The following ANO4 variants were observed in gnomAD, a reference collection of about 807,000 sequenced individuals.
ANO4 encodes anoctamin 4.
A neutral mutation model predicts 141.9 loss-of-function variants in ANO4; 69 were observed. The observed-to-expected ratio is 0.49, with a 90% CI of 0.40 to 0.59. The LOEUF is 0.59. Ranked by LOEUF, ANO4 falls within the 20% of genes least tolerant of loss-of-function variation. The pLI is 0.00. For synonymous variants in ANO4, 350 were observed against 394.3 expected, an observed-to-expected ratio of 0.89 and a Z score of 1.33; for missense variants, 894 against 1,162.2, an observed-to-expected ratio of 0.77 and a Z score of 3.36.
chr12:100,950,936 C>G (rs1002492346), intron 5 of ANO4, among the ~76,000 whole-genome samples: 4 of 152,156 alleles, frequency 2.6e-5, no homozygotes, highest in Non-Finnish European at 4.4e-5. Context: ...GAAGAGAGAA[C>G]AAGTACACAT....
intron 1 of ANO4, among the ~76,000 whole-genome samples, chr12:100,887,566 C>T (rs1056872243): frequency 6.6e-6 from 1 of 151,538 alleles, no homozygotes; most frequent in African/African-American, 2.4e-5. Flanking sequence ...ATGTCATGTC[C>T]TCCTGCGAAG....
intron 3 of ANO4, among the ~76,000 whole-genome samples, chr12:100,785,610 G>A (rs987396567): frequency 2.0e-5 from 3 of 152,072 alleles, no homozygotes; most frequent in African/African-American, 7.2e-5. Context: ...ATATTCCATT[G>A]TCTGGATATA....
chr12:100,850,705 A>G (rs1280968727), intron 1 of ANO4, among the ~76,000 whole-genome samples: 1 of 136,668 alleles, frequency 7.3e-6, no homozygotes, highest in Non-Finnish European at 1.6e-5. Context: ...TAGGAAATTC[A>G]GAACTATATT....
intron 2 of ANO4, among the ~76,000 whole-genome samples, chr12:100,917,639 A>G (rs1269184705): frequency 2.0e-5 from 3 of 152,208 alleles, no homozygotes; most frequent in Non-Finnish European, 4.4e-5. Context: ...GAAAGCTTAC[A>G]AAAGTCCTTG....
chr12:100,992,421 G>A (rs963290567), intron 8 of ANO4, among the ~76,000 whole-genome samples: 5 of 152,010 alleles, frequency 3.3e-5, no homozygotes, highest in Non-Finnish European at 7.4e-5. Context: ...ATTTGCATAT[G>A]TTGTTTCCTC....
Position 101,127,879 on chromosome 12 carries a change from G to C in ANO4, c.*23G>C, listed in dbSNP as rs1352993059. ...TTTCCAGAAAATAGTCCCTTTCCAG[G>C]CCAAGGACCTGAATTCTGTTTACTT... On this transcript the variant is annotated 3_prime_UTR_variant, in exon 28 of 28. Coordinates refer to ENST00000392977, the MANE Select transcript of ANO4 (RefSeq NM_001286615.2). 1 of 152,452 alleles carries C rather than the reference G, an allele frequency of 6.6e-6. No homozygotes were observed. The highest frequency in any genetic ancestry group is 2.4e-5 in the African/African-American group (1 of 41,378). 9.4% of individuals were successfully genotyped at this position (152,452 alleles called of 1,614,324 possible). A position where few individuals can be genotyped will look rare whatever the true frequency, so the allele number is the denominator to read the frequency against.
At chr12:101,097,228 A>G (rs1052732801) in intron 19 of ANO4, among the ~76,000 whole-genome samples, 5 of 152,182 alleles carry the variant, frequency 3.3e-5, no homozygotes, top group Admixed American at 3.3e-4. Context: ...AGATCAACAC[A>G]GCAGTCTCTC....
At chr12:101,055,979 G>T (rs2048100352) in intron 14 of ANO4, among the ~76,000 whole-genome samples, 1 of 152,206 alleles carries the variant, frequency 6.6e-6, no homozygotes, top group East Asian at 1.9e-4. Context: ...GGCCATATAT[G>T]TATGGGTCTG....
rs1248290977 is a variant in ANO4 at position 101,042,446 on chromosome 12, A to T, written c.1132A>T (p.Thr378Ser). The change falls in exon 12 of 28, where the codon ACT becomes TCT. Residue 378 changes from threonine to serine, a missense_variant. Thr to Ser is a moderately conservative substitution (Grantham distance 58, BLOSUM62 1). Around this residue, in one of 2 missense-constraint regions of ANO4, gnomAD observed 637 missense variants for 909.2 expected, o/e 0.70. Coordinates refer to ENST00000392977, the MANE Select transcript of ANO4 (RefSeq NM_001286615.2). ...GTTTGTCTTTTTGTATGGCGTCACC[A>T]CTCTGGATCACAGCCAAGTCAGGTA... ...GLFVFLYGVT[T>S]LDHSQVSKEV... 1 of 1,613,860 alleles carries T rather than the reference A, an allele frequency of 6.2e-7. No homozygotes were observed. The highest frequency in any genetic ancestry group is 1.3e-5 in the African/African-American group (1 of 74,852).
intron 14 of ANO4, 25 bp downstream of exon 14, chr12:101,048,426 T>C: frequency 6.2e-7 from 1 of 1,605,086 alleles, no homozygotes; most frequent in African/African-American, 1.3e-5. Context: ...ACCATAAAAC[T>C]TGAGTTTTCC....
chr12:101,031,582 G>T (rs973706849), intron 9 of ANO4, among the ~76,000 whole-genome samples: 3 of 152,256 alleles, frequency 2.0e-5, no homozygotes, highest in Admixed American at 1.3e-4. Context: ...TTCTGGCCAG[G>T]ACAATCAGGC....
At chr12:100,999,812 A>C (rs1306256062) in intron 8 of ANO4, among the ~76,000 whole-genome samples, 1 of 151,938 alleles carries the variant, frequency 6.6e-6, no homozygotes, top group Non-Finnish European at 1.5e-5. Flanking sequence ...TGGGAGGCCA[A>C]TGCAGGCAGA....
intron 1 of ANO4, among the ~76,000 whole-genome samples, chr12:100,860,354 G>A (rs1334772794): frequency 6.6e-6 from 1 of 152,160 alleles, no homozygotes; most frequent in East Asian, 1.9e-4. Context: ...CCTAATACAT[G>A]TTATTCTAAG....
intron 1 of ANO4, chr12:100,733,680 A>T (rs2031484151): frequency 1.6e-6 from 1 of 619,350 alleles, no homozygotes; most frequent in Non-Finnish European, 2.9e-6. Flanking sequence ...AGACAAGGAG[A>T]GCTGGTTTAT....
At chr12:100,780,563 G>GCA (rs960906268) in intron 3 of ANO4, among the ~76,000 whole-genome samples, 82 of 152,332 alleles carry the variant, frequency 5.4e-4, no homozygotes, top group African/African-American at 1.7e-3. Context: ...AACTGTCATG[G>GCA]CACTGGTGGG....
At chr12:100,985,811 T>G (rs2044683074) in intron 7 of ANO4, among the ~76,000 whole-genome samples, 1 of 152,172 alleles carries the variant, frequency 6.6e-6, no homozygotes, top group African/African-American at 2.4e-5. Flanking sequence ...GAAAGAGAAG[T>G]TTACCATTAT....
At chr12:100,763,412 A>G (rs531347356) in intron 3 of ANO4, among the ~76,000 whole-genome samples, 2 of 152,366 alleles carry the variant, frequency 1.3e-5, no homozygotes, top group Middle Eastern at 6.8e-3. Context: ...CAAAAAGGTT[A>G]AATGGACACA....
chr12:100,996,529 C>CA (rs1361265747), intron 8 of ANO4, among the ~76,000 whole-genome samples: 1 of 152,026 alleles, frequency 6.6e-6, no homozygotes, highest in African/African-American at 2.4e-5. Context: ...ACTAAAAATA[C>CA]AAAAAATTAG....
intron 1 of ANO4, among the ~76,000 whole-genome samples, chr12:100,859,695 A>G (rs2038373087): frequency 6.6e-6 from 1 of 152,154 alleles, no homozygotes; most frequent in South Asian, 2.1e-4. Context: ...GTTTTGTGTT[A>G]TATAATAGAT....
Sources: gnomAD v4.1 joint callset for allele counts (sites outside exome capture counted in the v4.1 genomes callset) on GRCh38, gnomAD v4.1.1 for gene constraint, gnomAD v4.1.1 regional missense constraint, MANE v1.5 for transcripts, NCBI Gene and HGNC (gene_info 2026-07-23, HGNC 2026-07-21) for gene names.